Variants in FAT3 observed in about 807,000 individuals in gnomAD.
FAT3 encodes the protein FAT atypical cadherin 3.
A neutral mutation model predicts 310.2 loss-of-function variants in FAT3; 95 were observed. The ratio of observed to expected loss-of-function variants is 0.31; its 90% CI spans 0.26 to 0.36. FAT3 has a LOEUF of 0.36. Among genes scored for constraint, FAT3 ranks in the 10% least tolerant of loss-of-function variants. The probability of loss-of-function intolerance (pLI) is 1.00; values close to 1 mark genes in which losing one functional copy is unlikely to be tolerated. For missense variants in FAT3, 5,408 were observed against 5,715.6 expected (o/e 0.95, Z 1.74); for synonymous variants, 2,314 against 2,192.9 (o/e 1.06, Z -1.54).
At chr11:92,315,479 G>GTATATATATATATATATA (rs1168085335) in intron 1 of FAT3, among the ~76,000 whole-genome samples, 2 of 65,190 alleles carry the variant, frequency 3.1e-5, no homozygotes, top group Non-Finnish European at 6.0e-5. Flanking sequence ...GTGTGTGTGT[G>GTATATATATATATATATA]TATATATATA....
At chr11:92,373,394 T>G (rs565639909) in intron 2 of FAT3, among the ~76,000 whole-genome samples, 2 of 152,284 alleles carry the variant, frequency 1.3e-5, no homozygotes, top group Admixed American at 6.5e-5. Context: ...GAGCCAAGGC[T>G]ATAACTCAGC....
chr11:92,813,500 T>A (rs1401207978), intron 13 of FAT3, among the ~76,000 whole-genome samples: 2 of 152,188 alleles, frequency 1.3e-5, no homozygotes, highest in African/African-American at 4.8e-5. Context: ...CTGTGCAGCT[T>A]CATTTAAGCA....
At chr11:92,456,725 A>G (rs1357491989) in intron 2 of FAT3, among the ~76,000 whole-genome samples, 1 of 152,230 alleles carries the variant, frequency 6.6e-6, no homozygotes, top group African/African-American at 2.4e-5. Flanking sequence ...AATTATGAGT[A>G]TTTGTATCTA....
rs199959583 is a variant in FAT3 at position 92,774,058 on chromosome 11, G to A, written c.4213G>A (p.Ala1405Thr). The change falls in exon 7 of 28, where the codon GCT becomes ACT. Residue 1405 changes from alanine to threonine, a missense_variant. Ala to Thr is a moderately conservative substitution (Grantham distance 58). Around this residue, in one of 5 missense-constraint regions of FAT3, gnomAD observed 4,588 missense variants for 4,809.8 expected, o/e 0.95. Transcript: ENST00000525166. ...ATCATCAGGGGGGAATTTTGACAGC[G>A]CTTTTGATGCAGAGAAGGGTGTTGG... The part of the protein sequence containing the change: ...FDIVGGNFDS[A>T]FDAEKGVGTI... The A allele has an allele frequency of 1.7e-4, 267 of 1,612,698 alleles. 3 individuals carry two copies. Among genetic ancestry groups the A allele is most frequent in the Middle Eastern group, 1.6e-3 (10 of 6,070 alleles).
At chr11:92,443,504 A>G (rs551195768) in intron 2 of FAT3, among the ~76,000 whole-genome samples, 1 of 152,360 alleles carries the variant, frequency 6.6e-6, no homozygotes, top group East Asian at 1.9e-4. Flanking sequence ...CTTGGCCATG[A>G]GAACAGAAGT....
At chr11:92,288,064 A>G (rs1455037411) in intron 1 of FAT3, among the ~76,000 whole-genome samples, 1 of 152,130 alleles carries the variant, frequency 6.6e-6, no homozygotes, top group African/African-American at 2.4e-5. Context: ...GCAGTTGAAA[A>G]AGGTTAAGGC....
At chr11:92,446,806 T>A (rs758264177) in intron 2 of FAT3, among the ~76,000 whole-genome samples, 13 of 152,158 alleles carry the variant, frequency 8.5e-5, no homozygotes, top group Non-Finnish European at 1.8e-4. Flanking sequence ...TCATTGAAAG[T>A]GGAAATGAGT....
At chr11:92,415,780 C>T (rs1170134872) in intron 2 of FAT3, among the ~76,000 whole-genome samples, 1 of 151,172 alleles carries the variant, frequency 6.6e-6, no homozygotes, top group Admixed American at 6.6e-5. Flanking sequence ...CTCCTACCAC[C>T]CCAAAGTTGA....
At chr11:92,452,052 G>A (rs1411087260) in intron 2 of FAT3, among the ~76,000 whole-genome samples, 1 of 152,186 alleles carries the variant, frequency 6.6e-6, no homozygotes, top group African/African-American at 2.4e-5. Flanking sequence ...GATAGACAGA[G>A]AGAAAGAACA....
At chr11:92,462,435 T>C (rs1024575842) in intron 2 of FAT3, among the ~76,000 whole-genome samples, 1 of 152,192 alleles carries the variant, frequency 6.6e-6, no homozygotes, top group African/African-American at 2.4e-5. Context: ...TGGTTTTCTG[T>C]TCCTGCGTTA....
At chr11:92,459,899 A>G (rs1345807688) in intron 2 of FAT3, among the ~76,000 whole-genome samples, 2 of 152,068 alleles carry the variant, frequency 1.3e-5, no homozygotes, top group Non-Finnish European at 2.9e-5. Flanking sequence ...CCTTATATAC[A>G]TTCCTGGAGC....
Position 92,352,296 on chromosome 11 carries a change from G to A in FAT3, c.184G>A (p.Val62Ile), listed in dbSNP as rs374727688. ...VYENSAARTY[V>I]NSQSRMGITL... is the part of the protein sequence containing the mutation. ...TGAGAACTCAGCAGCAAGGACCTAC[G>A]TCAACAGCCAGAGTAGAATGGGCAT... The change falls in exon 2 of 28, where the codon GTC becomes ATC. Residue 62 changes from valine to isoleucine, a missense_variant. Val to Ile is a conservative substitution (Grantham distance 29). Coordinates refer to ENST00000525166, the MANE Select transcript of FAT3 (RefSeq NM_001367949.2). 4.0e-6 allele frequency: 6 copies of A among 1,499,722 alleles called. No individual in the cohort carries two copies. The highest frequency in any genetic ancestry group is 2.8e-5 in the African/African-American group (2 of 72,384). 92.9% of individuals were successfully genotyped at this position (1,499,722 alleles called of 1,614,324 possible). A position where few individuals can be genotyped will look rare whatever the true frequency, so the allele number is the denominator to read the frequency against.
At chr11:92,322,473 A>C (rs1462417008) in intron 1 of FAT3, among the ~76,000 whole-genome samples, 1 of 152,220 alleles carries the variant, frequency 6.6e-6, no homozygotes, top group African/African-American at 2.4e-5. Context: ...TAGGACAACA[A>C]TGAAATTGTC....
chr11:92,524,981 T>G (rs1418126607), intron 3 of FAT3, 33 bp downstream of exon 3: 1 of 1,556,584 alleles, frequency 6.4e-7, no homozygotes, highest in Non-Finnish European at 8.8e-7. Flanking sequence ...TCTTTTTAGT[T>G]TGTAGTCCAG....
intron 24 of FAT3, among the ~76,000 whole-genome samples, chr11:92,886,490 T>C (rs965895807): frequency 1.3e-5 from 2 of 152,150 alleles, no homozygotes; most frequent in Non-Finnish European, 2.9e-5. Context: ...CCAAAAATGA[T>C]ACAATGCTGC....
chr11:92,864,602 G>A (rs1051593159), intron 21 of FAT3, among the ~76,000 whole-genome samples: 22 of 152,124 alleles, frequency 1.4e-4, no homozygotes, highest in Admixed American at 7.9e-4. Context: ...CAGATCACAC[G>A]GTCAGGAGAT....
intron 1 of FAT3, among the ~76,000 whole-genome samples, chr11:92,290,723 C>G (rs1946667610): frequency 6.6e-6 from 1 of 150,922 alleles, no homozygotes; most frequent in Non-Finnish European, 1.5e-5. Context: ...GAGATCATGC[C>G]ACTACACTCC....
intron 1 of FAT3, chr11:92,336,009 C>A: frequency 2.1e-6 from 1 of 472,288 alleles, no homozygotes; most frequent in South Asian, 1.6e-5. Flanking sequence ...GGTGGTGCTT[C>A]TTGAGCTCCA....
chr11:92,368,989 G>T (rs981099107), intron 2 of FAT3, among the ~76,000 whole-genome samples: 1 of 151,498 alleles, frequency 6.6e-6, no homozygotes, highest in Non-Finnish European at 1.5e-5. Flanking sequence ...ATATATGTAT[G>T]GAATTGAAGA....
Sources: allele counts gnomAD v4.1 joint callset (sites outside exome capture counted in the v4.1 genomes callset), GRCh38; gene constraint gnomAD v4.1.1; regional missense constraint gnomAD v4.1.1; transcripts MANE v1.5; gene names NCBI Gene and HGNC (gene_info 2026-07-23, HGNC 2026-07-21).